Variants in THUMPD2 observed in about 807,000 individuals in gnomAD.
THUMPD2 encodes the protein U6 snRNA (guanine-N(2))-methyltransferase THUMPD2.
THUMPD2 carries 56 observed loss-of-function variants against 49.4 expected under a neutral mutation model. That is an observed-to-expected ratio of 1.13 (90% confidence interval 0.91 to 1.41). THUMPD2 has a LOEUF of 1.41. THUMPD2 is among the 40% of genes most tolerant of loss of function. The pLI is 0.00. For synonymous variants in THUMPD2, 237 were observed against 205.2 expected, an observed-to-expected ratio of 1.15 and a Z score of -1.32; for missense variants, 709 against 594.5, an observed-to-expected ratio of 1.19 and a Z score of -2.00.
chr2:39,774,293 T>C (rs1372636823), intron 1 of THUMPD2, among the ~76,000 whole-genome samples: 1 of 152,264 alleles, frequency 6.6e-6, no homozygotes, highest in African/African-American at 2.4e-5. Flanking sequence ...ATAGATTACA[T>C]TTATTTCAAT....
intron 4 of THUMPD2, among the ~76,000 whole-genome samples, chr2:39,768,056 T>C (rs543511478): frequency 1.3e-5 from 2 of 152,196 alleles, no homozygotes; most frequent in Non-Finnish European, 2.9e-5. Context: ...GAATTTTGTG[T>C]AGGACTTTGT....
At chr2:39,755,729 AATTTC>A (rs1323214971) in intron 7 of THUMPD2, among the ~76,000 whole-genome samples, 155 bp downstream of exon 7, 1 of 148,924 alleles carries the variant, frequency 6.7e-6, no homozygotes, top group Non-Finnish European at 1.5e-5. Context: ...ACAACATAGC[AATTTC>A]ATTAGTCCCT....
At chr2:39,738,414 A>C (rs1048661212) in intron 9 of THUMPD2, among the ~76,000 whole-genome samples, 7 of 151,750 alleles carry the variant, frequency 4.6e-5, no homozygotes, top group Non-Finnish European at 8.8e-5. Flanking sequence ...AAATACAAAA[A>C]TCAGCCAGGT....
At chr2:39,773,706 A>G (rs1678686815) in intron 1 of THUMPD2, among the ~76,000 whole-genome samples, 1 of 151,086 alleles carries the variant, frequency 6.6e-6, no homozygotes. Context: ...AGAGGACCCA[A>G]AAAGTTTATT....
Position 39,736,545 on chromosome 2 carries a change from A to T in THUMPD2, c.*190T>A. 2.3e-6 allele frequency: 1 copy of T among 442,454 alleles called. No homozygotes were observed. Among genetic ancestry groups the T allele is most frequent in the Non-Finnish European group, 3.9e-6 (1 of 253,988 alleles). The allele number at this position is 442,454 out of a possible 1,614,324, so 27.4% of individuals were successfully genotyped here. Reference sequence around the variant, plus strand: ...ATATTCGATAACTTTTTTCTCAAAAACATTAAGTACTTTAGAATATAAAGC... The same window carrying T: ...ATATTCGATAACTTTTTTCTCAAAATCATTAAGTACTTTAGAATATAAAGC... On this transcript the variant is annotated 3_prime_UTR_variant, in exon 10 of 10. Transcript: ENST00000505747.
chr2:39,777,683 C>T (rs1209454442), intron 1 of THUMPD2, among the ~76,000 whole-genome samples: 1 of 152,156 alleles, frequency 6.6e-6, no homozygotes, highest in Non-Finnish European at 1.5e-5. Context: ...ATCCCATTTC[C>T]AGACCTATCT....
intron 1 of THUMPD2, among the ~76,000 whole-genome samples, chr2:39,774,480 C>T (rs535127501): frequency 6.6e-6 from 1 of 152,226 alleles, no homozygotes; most frequent in South Asian, 2.1e-4. Flanking sequence ...GTCACAGTTT[C>T]CAGGAACCTA....
chr2:39,753,889 A>G (rs1464713606), intron 8 of THUMPD2, among the ~76,000 whole-genome samples: 2 of 152,176 alleles, frequency 1.3e-5, no homozygotes, highest in Non-Finnish European at 2.9e-5. Context: ...CCCTCACTAA[A>G]GTCTAAGAGG....
chr2:39,769,488 G>A, intron 3 of THUMPD2: 1 of 408,718 alleles, frequency 2.4e-6, no homozygotes. Context: ...GATCACTTGA[G>A]GTCAGGAGTT....
intron 8 of THUMPD2, among the ~76,000 whole-genome samples, chr2:39,751,681 A>ATTTTTTTT (rs11284104): frequency 6.7e-5 from 8 of 119,958 alleles, no homozygotes; most frequent in South Asian, 2.6e-4. Flanking sequence ...ATATTAAAAG[A>ATTTTTTTT]TTTTTTTTTT....
At position 39,747,629 on chromosome 2, in the gene THUMPD2, T is replaced by C. The variant is rs536501624; in HGVS notation, c.1079-3151A>G. Among the ~76,000 whole-genome samples the C allele has an allele frequency of 7.9e-5, 12 of 152,322 alleles. No homozygotes were observed. The South Asian group carries it at 2.3e-3, about 29-fold the overall frequency. On this transcript the variant is annotated intron_variant, in intron 8 of 9. Coordinates refer to ENST00000505747, the MANE Select transcript of THUMPD2 (RefSeq NM_025264.5). ...TATGGTGGCCCTGAAAACGTATCTGTGCAAAATGAAATTTTTAAGTTTAAT... is the reference window on the plus strand; with the variant it reads ...TATGGTGGCCCTGAAAACGTATCTGCGCAAAATGAAATTTTTAAGTTTAAT...
chr2:39,752,164 G>A (rs1037644612), intron 8 of THUMPD2, among the ~76,000 whole-genome samples: 1 of 152,188 alleles, frequency 6.6e-6, no homozygotes, highest in Non-Finnish European at 1.5e-5. Flanking sequence ...ACATACCAGT[G>A]CTTACAGATG....
At chr2:39,767,760 A>G (rs926302962) in intron 4 of THUMPD2, among the ~76,000 whole-genome samples, 1 of 152,142 alleles carries the variant, frequency 6.6e-6, no homozygotes, top group Admixed American at 6.5e-5. Context: ...GACAAGCGCA[A>G]ATCTAAAAAT....
intron 1 of THUMPD2, among the ~76,000 whole-genome samples, chr2:39,774,117 A>C (rs1678750086): frequency 6.6e-6 from 1 of 152,190 alleles, no homozygotes; most frequent in South Asian, 2.1e-4. Context: ...GGTGTGTGTG[A>C]GTGTGCCAGG....
Position 39,770,064 on chromosome 2 carries a change from C to A in THUMPD2, c.318G>T (p.Leu106Phe), listed in dbSNP as rs774438837. The change falls in exon 3 of 10, where the codon TTG becomes TTT. Residue 106 changes from leucine to phenylalanine, a missense_variant. Coordinates refer to ENST00000505747, the MANE Select transcript of THUMPD2 (RefSeq NM_025264.5). Reference sequence around the variant, plus strand: ...GATTTTTCCAAATTGAAATGGCATTCAACCAACTTCCTGGATCTTCATTTA... The same window carrying A: ...GATTTTTCCAAATTGAAATGGCATTAAACCAACTTCCTGGATCTTCATTTA... ...RLINEDPGSW[L>F]NAISIWKNLL... The A allele has an allele frequency of 4.5e-6, 7 of 1,557,394 alleles. No homozygotes were observed. The highest frequency in any genetic ancestry group is 6.0e-6 in the Non-Finnish European group (7 of 1,163,460).
intron 1 of THUMPD2, among the ~76,000 whole-genome samples, chr2:39,778,423 C>A (rs1409319796): frequency 6.6e-6 from 1 of 152,204 alleles, no homozygotes; most frequent in African/African-American, 2.4e-5. Flanking sequence ...GGGTTAATTT[C>A]ATTTAGGAAG....
At chr2:39,760,557 CACA>C (rs1676688565) in intron 6 of THUMPD2, among the ~76,000 whole-genome samples, 1 of 151,998 alleles carries the variant, frequency 6.6e-6, no homozygotes, top group African/African-American at 2.4e-5. Context: ...GTCTATCTGT[CACA>C]ACATTTACTG....
rs534571966 is a variant in THUMPD2, at chr2:39,761,054, C to A, written c.891+277G>T. ...CTTTAAGAATAGGAGGTTTTACAGGCCACATTTTCTAACTGTGACACAAAA... is the reference window on the plus strand; with the variant it reads ...CTTTAAGAATAGGAGGTTTTACAGGACACATTTTCTAACTGTGACACAAAA... On this transcript the variant is annotated intron_variant, in intron 6 of 9. Transcript: ENST00000505747. Among the ~76,000 whole-genome samples the A allele has an allele frequency of 3.4e-4, 51 of 152,170 alleles. No individual in the cohort carries two copies. The South Asian group carries it at 0.011, about 32-fold the overall frequency.
intron 6 of THUMPD2, among the ~76,000 whole-genome samples, chr2:39,759,716 C>T (rs1012806854): frequency 9.2e-5 from 14 of 152,202 alleles, no homozygotes; most frequent in Non-Finnish European, 1.8e-4. Context: ...ATGGTCTGCT[C>T]ATCTGTGTCA....
Sources: allele counts gnomAD v4.1 joint callset (sites outside exome capture counted in the v4.1 genomes callset), GRCh38; gene constraint gnomAD v4.1.1; transcripts MANE v1.5; gene names NCBI Gene and HGNC (gene_info 2026-07-23, HGNC 2026-07-21).